Variants in TET3 observed in about 807,000 individuals in gnomAD.
The protein encoded by TET3 is methylcytosine dioxygenase TET3.
TET3 carries 19 observed loss-of-function variants against 141.4 expected under a neutral mutation model. That is an observed-to-expected ratio of 0.13 (90% CI 0.09 to 0.20). TET3 has a LOEUF of 0.20. TET3 is among the 10% of genes least tolerant of loss of function. TET3 has a pLI of 1.00. For missense variants in TET3, 1,874 were observed against 2,356.9 expected (o/e 0.80, Z 4.24); for synonymous variants, 1,043 against 980.9 (o/e 1.06, Z -1.18).
chr2:74,076,057 AT>A (rs1438248607), intron 5 of TET3, among the ~76,000 whole-genome samples: 1 of 152,108 alleles, frequency 6.6e-6, no homozygotes, highest in Non-Finnish European at 1.5e-5. Flanking sequence ...ATTTTATAAG[AT>A]TTCCAGACAG....
At chr2:74,108,599 G>A (rs941217214), downstream of TET3, among the ~76,000 whole-genome samples, 2 of 152,166 alleles carry the variant, frequency 1.3e-5, no homozygotes, top group African/African-American at 2.4e-5. Context: ...GCTAATATAC[G>A]GAACCCGAGA....
chr2:73,991,354 C>G (rs1684313495), intron 2 of TET3, among the ~76,000 whole-genome samples: 1 of 151,774 alleles, frequency 6.6e-6, no homozygotes, highest in African/African-American at 2.4e-5. Flanking sequence ...GAGACCAAGG[C>G]AGGCAGATCA....
intron 3 of TET3, among the ~76,000 whole-genome samples, chr2:74,035,787 G>A (rs1687018385): frequency 6.6e-6 from 1 of 151,842 alleles, no homozygotes. Flanking sequence ...CGAGGTGGGT[G>A]GATCCCTTGA....
At chr2:74,015,880 C>T (rs979364493) in intron 3 of TET3, among the ~76,000 whole-genome samples, 1 of 152,068 alleles carries the variant, frequency 6.6e-6, no homozygotes, top group Non-Finnish European at 1.5e-5. Context: ...GGTAAAATAT[C>T]TCATTTTAAT....
At chr2:74,003,561 G>A (rs1264665501) in intron 3 of TET3, among the ~76,000 whole-genome samples, 1 of 144,790 alleles carries the variant, frequency 6.9e-6, no homozygotes, top group African/African-American at 2.7e-5. Context: ...GTGCGGGGAG[G>A]GGGGGTGGGG....
the TET3 span, among the ~76,000 whole-genome samples, chr2:74,113,874 C>A: frequency 6.6e-6 from 1 of 152,002 alleles, no homozygotes; most frequent in Admixed American, 6.6e-5. Context: ...CATAATAATA[C>A]TACCCAAAGC....
rs1691597181 is a variant in TET3 at position 74,107,901 on chromosome 2, AATTTT to A, written c.*5731_*5735del. 1 of 152,430 alleles carries A rather than the reference AATTTT, an allele frequency of 6.6e-6. No homozygotes were observed. Among genetic ancestry groups the A allele is most frequent in the Non-Finnish European group, 1.5e-5 (1 of 68,020 alleles). 9.4% of individuals were successfully genotyped at this position (152,430 alleles called of 1,614,324 possible). ...CTTAGTACAGTAAATTTATGCTGAT[AATTTT>A]ATTTTGTATAATTTTTACCTTTTTG... On this transcript the variant is annotated 3_prime_UTR_variant, in exon 12 of 12. Coordinates refer to ENST00000409262, the MANE Select transcript of TET3 (RefSeq NM_001287491.2).
intron 2 of TET3, among the ~76,000 whole-genome samples, chr2:74,002,557 G>T (rs1055785947): frequency 2.0e-5 from 3 of 152,110 alleles, no homozygotes; most frequent in Non-Finnish European, 4.4e-5. Context: ...AGCCAGCGCG[G>T]CTCAGCAGCA....
chr2:74,091,580 A>G (rs1362885559), intron 8 of TET3, among the ~76,000 whole-genome samples: 1 of 152,242 alleles, frequency 6.6e-6, no homozygotes, highest in Non-Finnish European at 1.5e-5. Flanking sequence ...GACATCAGGC[A>G]GGGAGGTGGC....
chr2:74,084,539 G>A (rs1202597348), intron 6 of TET3, among the ~76,000 whole-genome samples: 5 of 150,972 alleles, frequency 3.3e-5, no homozygotes, highest in African/African-American at 4.9e-5. Context: ...TGCAAGCTCC[G>A]CCTCCTGGGT....
rs1348711119 is a variant in TET3 at position 74,105,096 on chromosome 2, T to C, written c.*2920T>C. ...AGAGAAAAATCAAATTTTTATTTTT[T>C]ACTGGCACTATCATTTTTTAAGTCC... is the stretch of plus-strand genomic sequence containing the variant. On this transcript the variant is annotated 3_prime_UTR_variant, in exon 12 of 12. Coordinates refer to ENST00000409262, the MANE Select transcript of TET3 (RefSeq NM_001287491.2). 2.5e-6 allele frequency: 1 copy of C among 398,398 alleles called. No individual in the cohort carries two copies. The allele number at this position is 398,398 out of a possible 1,614,324, so 24.7% of individuals were successfully genotyped here. A position where few individuals can be genotyped will look rare whatever the true frequency, so the allele number is the denominator to read the frequency against.
the TET3 span, chr2:74,130,478 G>C: frequency 1.3e-5 from 2 of 152,416 alleles, no homozygotes; most frequent in African/African-American, 4.8e-5. Context: ...GCGCTCTGCG[G>C]GTTGCGCTCC....
rs992304693 is a variant in TET3, at chr2:73,986,532, A to G, written c.129A>G (p.Gln43=). ...SGLSMAGSES[Q]LRGGGDGRKK... is the part of the protein sequence containing the mutation. Reference sequence around the variant, plus strand: ...TCTCCATGGCTGGGAGTGAGTCCCAACTCCGAGGGGGTGGAGATGGTCGAA... The same window carrying G: ...TCTCCATGGCTGGGAGTGAGTCCCAGCTCCGAGGGGGTGGAGATGGTCGAA... The change falls in exon 2 of 12, where the codon CAA becomes CAG. Residue 43 remains glutamine (Q), a synonymous_variant. Transcript: ENST00000409262. The G allele has an allele frequency of 1.6e-6, 2 of 1,231,904 alleles. No individual in the cohort carries two copies. The highest frequency in any genetic ancestry group is 3.1e-5 in the African/African-American group (2 of 64,366). The allele number at this position is 1,231,904 out of a possible 1,614,324, so 76.3% of individuals were successfully genotyped here.
intron 8 of TET3, among the ~76,000 whole-genome samples, 187 bp from the exon 9 acceptor site, chr2:74,092,715 C>T (rs1690575662): frequency 6.6e-6 from 1 of 152,182 alleles, no homozygotes; most frequent in Non-Finnish European, 1.5e-5. Flanking sequence ...TCCTGGGAGC[C>T]TCAGTGTCCC....
At chr2:74,112,022 A>C (rs554083273), downstream of TET3, among the ~76,000 whole-genome samples, 4 of 152,196 alleles carry the variant, frequency 2.6e-5, no homozygotes, top group Non-Finnish European at 4.4e-5. Flanking sequence ...AAAGACTTCA[A>C]TTCTAGCCCC....
At chr2:74,129,092 C>T in the TET3 span, among the ~76,000 whole-genome samples, 1 of 150,060 alleles carries the variant, frequency 6.7e-6, no homozygotes, top group African/African-American at 2.5e-5. Context: ...GGCAGATCAC[C>T]TGAGGTCGTG....
At chr2:74,111,999 G>C (rs776699597), downstream of TET3, among the ~76,000 whole-genome samples, 15 of 152,080 alleles carry the variant, frequency 9.9e-5, no homozygotes, top group Non-Finnish European at 2.2e-4. Context: ...TCTTCAACAG[G>C]TATTGTTATT....
Position 73,985,063 on chromosome 2 carries a change from G to A in TET3, c.-519G>A, listed in dbSNP as rs1424896245. ...GCGCTCCGGGAGGCGGGAGCCCCAG[G>A]CGGCGGCGGCGGCGGCCGCGACGGT... On this transcript the variant is annotated 5_prime_UTR_variant, in exon 1 of 12. Coordinates refer to ENST00000409262, the MANE Select transcript of TET3 (RefSeq NM_001287491.2). 1 of 147,002 alleles carries A rather than the reference G, an allele frequency of 6.8e-6. No individual in the cohort carries two copies. Among genetic ancestry groups the A allele is most frequent in the Non-Finnish European group, 1.5e-5 (1 of 65,948 alleles). The allele number at this position is 147,002 out of a possible 1,614,324, so 9.1% of individuals were successfully genotyped here. A position where few individuals can be genotyped will look rare whatever the true frequency, so the allele number is the denominator to read the frequency against.
rs1250572925 is a variant in TET3 at position 74,107,592 on chromosome 2, T to A, written c.*5416T>A. ...GTGATGTCATTTCTTTTTCATGTAT[T>A]CCAATTAAAGAAACAAGGGCAGGTC... On this transcript the variant is annotated 3_prime_UTR_variant, in exon 12 of 12. Transcript: ENST00000409262. The A allele has an allele frequency of 6.6e-6, 1 of 152,144 alleles. No homozygotes were observed. Among genetic ancestry groups the A allele is most frequent in the Non-Finnish European group, 1.5e-5 (1 of 68,026 alleles). 9.4% of individuals were successfully genotyped at this position (152,144 alleles called of 1,614,324 possible).
Sources: allele counts gnomAD v4.1 joint callset (sites outside exome capture counted in the v4.1 genomes callset), GRCh38; gene constraint gnomAD v4.1.1; transcripts MANE v1.5; gene names NCBI Gene and HGNC (gene_info 2026-07-23, HGNC 2026-07-21).